The following CASP8 variants were observed in gnomAD, a reference collection of about 807,000 sequenced individuals.
CASP8 encodes the protein caspase 8.
CASP8 carries 24 observed loss-of-function variants against 46.3 expected under a neutral mutation model. The ratio of observed to expected loss-of-function variants is 0.52; its 90% confidence interval spans 0.38 to 0.73. The LOEUF is 0.73. Ranked by LOEUF, CASP8 falls within the 30% of genes least tolerant of loss-of-function variation. The pLI is 0.00. For synonymous variants in CASP8, 188 were observed against 200.4 expected (o/e 0.94, Z 0.52); for missense variants, 460 against 559.0 (o/e 0.82, Z 1.79).
intron 1 of CASP8, among the ~76,000 whole-genome samples, chr2:201,265,960 CTTGT>C (rs1301812543): frequency 2.0e-5 from 3 of 148,210 alleles, no homozygotes; most frequent in South Asian, 4.4e-4. Flanking sequence ...TAACCATTGG[CTTGT>C]TTTTTTTGTT....
At chr2:201,238,763 AT>A (rs1484214520) in intron 2 of CASP8, among the ~76,000 whole-genome samples, 1 of 136,156 alleles carries the variant, frequency 7.3e-6, no homozygotes, top group African/African-American at 3.8e-5. Context: ...TTTTTATTTT[AT>A]TTATTTATTT....
In CASP8 at chr2:201,284,961, C is replaced by G. The variant is rs763499107; in HGVS notation, c.948C>G (p.Ser316=). The G allele has an allele frequency of 8.1e-6, 13 of 1,613,996 alleles. No homozygotes were observed. The African/African-American group carries it at 1.2e-4, about 15-fold the overall frequency. ...ACTGCTTCATCTGCTGTATCCTCTC[C>G]CATGGAGACAAGGGCATCATCTATG... ...NMDCFICCIL[S]HGDKGIIYGT... Residue 316 remains serine, a synonymous_variant, in exon 8 of 9, where the codon TCC becomes TCG. Transcript: ENST00000673742.
chr2:201,234,560 G>A (rs1257022282), intron 2 of CASP8, among the ~76,000 whole-genome samples: 1 of 151,602 alleles, frequency 6.6e-6, no homozygotes, highest in East Asian at 1.9e-4. Flanking sequence ...GGTGATTCTC[G>A]TGTCTCAGCC....
intron 6 of CASP8, 41 bp from the exon 7 acceptor site, chr2:201,276,786 A>G (rs1370080442): frequency 8.7e-6 from 14 of 1,613,350 alleles, no homozygotes; most frequent in Non-Finnish European, 1.2e-5. Flanking sequence ...CTAGTGTTTG[A>G]CCCACAGAGT....
chr2:201,270,289 T>C (rs1176822364), intron 2 of CASP8, among the ~76,000 whole-genome samples: 1 of 152,274 alleles, frequency 6.6e-6, no homozygotes, highest in South Asian at 2.1e-4. Flanking sequence ...CAAAGACTGA[T>C]TTAAGTACTT....
intron 6 of CASP8, 143 bp from the exon 7 acceptor site, chr2:201,276,684 G>C (rs770625298): frequency 8.1e-6 from 8 of 987,762 alleles, no homozygotes; most frequent in African/African-American, 1.6e-5. Flanking sequence ...GAAGGAAATA[G>C]GTAGAAACTA....
At position 201,233,860 on chromosome 2, in the gene CASP8, C is replaced by T. The variant is rs1342122473; in HGVS notation, c.-123-156C>T. ...GTAGAAGACAGATATTTTACCTTAG[C>T]TGGCTGCTTCTAGAAGTCTGACCCT... On this transcript the variant is annotated intron_variant, in intron 1 of 6. Coordinates refer to the CASP8 transcript ENST00000264274. Among the ~76,000 whole-genome samples the T allele has an allele frequency of 2.6e-5, 4 of 152,336 alleles. No individual in the cohort carries two copies. The East Asian group carries it at 7.7e-4, about 29-fold the overall frequency.
At chr2:201,273,273 A>G (rs933457756) in intron 5 of CASP8, among the ~76,000 whole-genome samples, 4 of 152,044 alleles carry the variant, frequency 2.6e-5, no homozygotes, top group African/African-American at 9.7e-5. Context: ...TGGCCTGGCT[A>G]GTCTCAAACT....
At chr2:201,281,251 T>C (rs1231334181) in intron 7 of CASP8, among the ~76,000 whole-genome samples, 1 of 152,112 alleles carries the variant, frequency 6.6e-6, no homozygotes, top group East Asian at 1.9e-4. Context: ...GGGGCAGAAG[T>C]TGCAGTGAGC....
rs1270231742 is a variant in CASP8 at position 201,272,984 on chromosome 2, T to C, written c.595+42T>C. 2 of 1,551,962 alleles carry C rather than the reference T, an allele frequency of 1.3e-6. No individual in the cohort carries two copies. The highest frequency in any genetic ancestry group is 8.9e-7 in the Non-Finnish European group (1 of 1,124,452). Reference sequence around the variant, plus strand: ...CATTTTCAAGATTTAGTTAATTTACTATCTGGTACCTGCATGTGTCCTCCC... The same window carrying C: ...CATTTTCAAGATTTAGTTAATTTACCATCTGGTACCTGCATGTGTCCTCCC... On this transcript the variant is annotated intron_variant, in intron 5 of 8. Coordinates refer to ENST00000673742, the MANE Select transcript of CASP8 (RefSeq NM_001372051.1). This position sits in a 1 kb window ranked among gnomAD's most constrained non-coding sequence, Gnocchi z 4.4.
intron 2 of CASP8, chr2:201,241,723 CCAAAGCCAAA>C (rs1292160685): frequency 6.6e-6 from 1 of 152,210 alleles, no homozygotes; most frequent in East Asian, 1.9e-4. Flanking sequence ...TATCCCGATA[CCAAAGCCAAA>C]CAAAGACACC....
intron 2 of CASP8, among the ~76,000 whole-genome samples, chr2:201,247,800 ACACC>A: frequency 1.3e-5 from 2 of 152,100 alleles, no homozygotes; most frequent in African/African-American, 2.4e-5. Flanking sequence ...GCCCGCCACC[ACACC>A]TGGCTAATTT....
chr2:201,283,050 C>A (rs1205489738), intron 7 of CASP8, among the ~76,000 whole-genome samples: 2 of 67,454 alleles, frequency 3.0e-5, no homozygotes, highest in African/African-American at 9.2e-5. Flanking sequence ...GGGGGCTGAC[C>A]CCCCCTCCCC....
intron 2 of CASP8, among the ~76,000 whole-genome samples, chr2:201,249,090 G>C (rs1946659948): frequency 6.6e-6 from 1 of 152,072 alleles, no homozygotes; most frequent in Non-Finnish European, 1.5e-5. Context: ...TGGGGGTCTT[G>C]CCATGTTGGT....
rs564894363 is a variant in CASP8 at position 201,249,184 on chromosome 2, C to T, written c.-27+15072C>T. ...CTGGGATTATAGGTGTGAGCCACCA[C>T]GCCCTGGTCAATTGCTTCCTTTTTA... On this transcript the variant is annotated intron_variant, in intron 2 of 6. Transcript: ENST00000264274. Among the ~76,000 whole-genome samples, 17 of 152,284 alleles carry T rather than the reference C, an allele frequency of 1.1e-4. No homozygotes were observed. In the South Asian group the frequency reaches 1.2e-3, roughly 11 times the overall value.
Position 201,286,607 on chromosome 2 carries a change from GTTTGT to G in CASP8, c.*32_*36del, listed in dbSNP as rs560696634. The G allele has an allele frequency of 3.0e-5, 48 of 1,611,112 alleles. No homozygotes were observed. The highest frequency in any genetic ancestry group is 4.5e-5 in the East Asian group (2 of 44,794). On this transcript the variant is annotated 3_prime_UTR_variant, in exon 9 of 9. Coordinates refer to ENST00000673742, the MANE Select transcript of CASP8 (RefSeq NM_001372051.1). ...CCCTTCTGATTGATGGTGCTATTTT[GTTTGT>G]TTTGTTTTGTTTTGTTTTTTTGAGA...
chr2:201,262,465 C>T (rs1426063243), intron 1 of CASP8, among the ~76,000 whole-genome samples: 2 of 151,262 alleles, frequency 1.3e-5, no homozygotes, highest in Non-Finnish European at 2.9e-5. Flanking sequence ...TATACATTTA[C>T]TATTTAGCAG....
At chr2:201,244,003 G>A (rs886737718) in intron 2 of CASP8, among the ~76,000 whole-genome samples, 3 of 152,176 alleles carry the variant, frequency 2.0e-5, no homozygotes, top group Admixed American at 1.3e-4. Flanking sequence ...TTGGCCTGGA[G>A]CCCAAATAAT....
At chr2:201,239,025 C>T (rs1010303561) in intron 2 of CASP8, among the ~76,000 whole-genome samples, 1 of 152,112 alleles carries the variant, frequency 6.6e-6, no homozygotes, top group Admixed American at 6.5e-5. Context: ...TTGCACCGCC[C>T]TTAATCCATT....
Sources: gnomAD v4.1 joint callset for allele counts (sites outside exome capture counted in the v4.1 genomes callset) on GRCh38, gnomAD v4.1.1 for gene constraint, Gnocchi (gnomAD v3.1) non-coding constraint, MANE v1.5 for transcripts, NCBI Gene and HGNC (gene_info 2026-07-23, HGNC 2026-07-21) for gene names.